The following WNT5A variants were observed in gnomAD, a reference collection of about 807,000 sequenced individuals.
WNT5A encodes protein Wnt-5a.
WNT5A carries 9 observed loss-of-function variants against 42.1 expected under a neutral mutation model. The ratio of observed to expected loss-of-function variants is 0.21; its 90% CI spans 0.13 to 0.37. WNT5A has a LOEUF of 0.37. WNT5A is among the 10% of genes least tolerant of loss of function. The pLI, the probability that WNT5A is intolerant of heterozygous loss-of-function variation, is 1.00. For synonymous variants in WNT5A, 210 were observed against 210.0 expected (o/e 1.00, Z 0.00); for missense variants, 426 against 534.0 (o/e 0.80, Z 1.99).
the WNT5A span, among the ~76,000 whole-genome samples, chr3:55,503,398 G>A: frequency 6.6e-6 from 1 of 152,204 alleles, no homozygotes; most frequent in Non-Finnish European, 1.5e-5. Context: ...ACCTTCTGGA[G>A]TTGTATTACA....
chr3:55,501,415 T>C, the WNT5A span, among the ~76,000 whole-genome samples: 1 of 152,182 alleles, frequency 6.6e-6, no homozygotes. Flanking sequence ...GCACGCACAG[T>C]TTTGGAGGAT....
chr3:55,468,935 G>T lies in WNT5A; in HGVS notation c.*1157C>A, dbSNP rs2051195328. 1 of 152,140 alleles carries T rather than the reference G, an allele frequency of 6.6e-6. No individual in the cohort carries two copies. The highest frequency in any genetic ancestry group is 1.5e-5 in the Non-Finnish European group (1 of 68,028). 9.4% of individuals were successfully genotyped at this position (152,140 alleles called of 1,614,324 possible). The stretch of plus-strand genomic sequence containing the variant: ...TAGGAAACAAAAATCCCTAAGTAGT[G>T]AACTGTTTTCCAAGCAGAGCTCCTA... On this transcript the variant is annotated 3_prime_UTR_variant, in exon 5 of 5. Coordinates refer to ENST00000264634, the MANE Select transcript of WNT5A (RefSeq NM_003392.7).
chr3:55,495,674 AAT>A, the WNT5A span, among the ~76,000 whole-genome samples: 1 of 152,166 alleles, frequency 6.6e-6, no homozygotes, highest in East Asian at 1.9e-4. Context: ...GTACCTTTTT[AAT>A]ATACTGACCT....
intron 3 of WNT5A, among the ~76,000 whole-genome samples, chr3:55,478,772 TA>T (rs1185049368): frequency 6.6e-6 from 1 of 152,228 alleles, no homozygotes; most frequent in African/African-American, 2.4e-5. Context: ...CACTTTTAAT[TA>T]AAATTCTTTC....
At chr3:55,479,616 G>A (rs1385278649) in intron 2 of WNT5A, 52 bp from the exon 3 acceptor site, 2 of 1,531,390 alleles carry the variant, frequency 1.3e-6, no homozygotes, top group Non-Finnish European at 1.8e-6. Context: ...CTCGAGGTGG[G>A]CCCCCTGAAA....
the WNT5A span, among the ~76,000 whole-genome samples, chr3:55,503,068 A>G: frequency 1.2e-4 from 19 of 152,316 alleles, no homozygotes; most frequent in South Asian, 3.9e-3. Flanking sequence ...TGGTAATTAT[A>G]CAAGTCTTTC....
chr3:55,475,759 A>G (rs2051346104), intron 3 of WNT5A, among the ~76,000 whole-genome samples: 1 of 152,244 alleles, frequency 6.6e-6, no homozygotes, highest in Admixed American at 6.5e-5. Flanking sequence ...ATCTCCCCAT[A>G]TAATAGTTAC....
the WNT5A span, among the ~76,000 whole-genome samples, chr3:55,497,643 G>C: frequency 1.3e-5 from 2 of 152,198 alleles, no homozygotes; most frequent in Non-Finnish European, 2.9e-5. Flanking sequence ...TGGAATATTA[G>C]TAATGCATAT....
intron 1 of WNT5A, among the ~76,000 whole-genome samples, chr3:55,484,731 CA>C (rs2051542812): frequency 7.3e-6 from 1 of 137,866 alleles, no homozygotes; most frequent in Non-Finnish European, 1.6e-5. Context: ...CACACACACA[CA>C]CCACTCACAC....
intron 1 of WNT5A, 91 bp downstream of exon 1, chr3:55,486,889 G>A (rs1238967148): frequency 1.1e-6 from 1 of 906,536 alleles, no homozygotes; most frequent in Non-Finnish European, 1.8e-6. Flanking sequence ...GGGAAATGGA[G>A]GGATAGGAAG....
chr3:55,486,492 G>A (rs2107004510), intron 1 of WNT5A, among the ~76,000 whole-genome samples: 1 of 152,340 alleles, frequency 6.6e-6, no homozygotes, highest in East Asian at 1.9e-4. Flanking sequence ...CCGCTCTGGA[G>A]TAGTTGGCCC....
chr3:55,499,301 T>C, the WNT5A span, among the ~76,000 whole-genome samples: 1 of 152,120 alleles, frequency 6.6e-6, no homozygotes, highest in African/African-American at 2.4e-5. Flanking sequence ...TGGGAGGTGA[T>C]TCCATGTGTG....
chr3:55,474,703 G>C, intron 3 of WNT5A, 74 bp from the exon 4 acceptor site: 2 of 1,247,926 alleles, frequency 1.6e-6, no homozygotes, highest in Non-Finnish European at 2.0e-6. Flanking sequence ...GGGTGGGGGT[G>C]GGGGCAAGGT....
chr3:55,490,080 G>T (rs2051642365), upstream of WNT5A: 1 of 152,292 alleles, frequency 6.6e-6, no homozygotes, highest in Non-Finnish European at 1.5e-5. Context: ...GACTATGAAA[G>T]GGGCTGCCAA....
chr3:55,502,061 C>A, the WNT5A span, among the ~76,000 whole-genome samples: 1 of 152,138 alleles, frequency 6.6e-6, no homozygotes, highest in African/African-American at 2.4e-5. Context: ...TGAGCTTGTT[C>A]TTTAAGAATT....
intron 1 of WNT5A, among the ~76,000 whole-genome samples, chr3:55,484,302 C>A (rs1031063212): frequency 1.3e-5 from 2 of 152,076 alleles, no homozygotes; most frequent in African/African-American, 4.8e-5. Context: ...GGACGTCCTG[C>A]CCTGGAGAAT....
upstream of WNT5A, among the ~76,000 whole-genome samples, chr3:55,494,598 G>A (rs2051695592): frequency 6.6e-6 from 1 of 152,106 alleles, no homozygotes; most frequent in Non-Finnish European, 1.5e-5. Flanking sequence ...GAGTGCAGTG[G>A]TGCGATCTTA....
rs777506252 is a variant in WNT5A, at chr3:55,470,540, T to C, written c.695A>G (p.Asn232Ser). 8 of 1,547,624 alleles carry C rather than the reference T, an allele frequency of 5.2e-6. No individual in the cohort carries two copies. The East Asian group carries it at 1.6e-4, about 31-fold the overall frequency. The part of the protein sequence containing the change: ...NNEAGRRTVY[N>S]LADVACKCHG... Reference sequence around the variant, plus strand: ...GCACTTGCAGGCCACATCAGCCAGGTTGTACACCGTCTGCAGGGAAATGGG... The same window carrying C: ...GCACTTGCAGGCCACATCAGCCAGGCTGTACACCGTCTGCAGGGAAATGGG... The change falls in exon 5 of 5, where the codon AAC (asparagine) becomes AGC (serine). Residue 232 changes from asparagine to serine, a missense_variant. Physicochemically the swap from Asn to Ser is conservative, Grantham distance 46. Around this residue, in one of 3 missense-constraint regions of WNT5A, gnomAD observed 358 missense variants for 468.1 expected, o/e 0.76. Coordinates refer to ENST00000264634, the MANE Select transcript of WNT5A (RefSeq NM_003392.7).
intron 2 of WNT5A, among the ~76,000 whole-genome samples, 182 bp from the exon 3 acceptor site, chr3:55,479,746 G>A (rs924867994): frequency 3.9e-5 from 6 of 152,112 alleles, no homozygotes; most frequent in African/African-American, 1.2e-4. Context: ...CTCAGAAAAC[G>A]GAGGTATTGT....
Sources: gnomAD v4.1 joint callset for allele counts (sites outside exome capture counted in the v4.1 genomes callset) on GRCh38, gnomAD v4.1.1 for gene constraint, gnomAD v4.1.1 regional missense constraint, MANE v1.5 for transcripts, NCBI Gene and HGNC (gene_info 2026-07-23, HGNC 2026-07-21) for gene names.